Variants in RBFOX1 observed in about 807,000 individuals in gnomAD.
RBFOX1 encodes the protein RNA binding fox-1 homolog 1.
Under a neutral mutation model 57.7 loss-of-function variants are expected in RBFOX1, and 8 were observed. The observed-to-expected ratio is 0.14, with a 90% confidence interval of 0.08 to 0.25. RBFOX1 has a LOEUF of 0.25. Among genes scored for constraint, RBFOX1 ranks in the 10% least tolerant of loss-of-function variants. The pLI is 1.00. For missense variants in RBFOX1, 611 were observed against 548.5 expected, an observed-to-expected ratio of 1.11 and a Z score of -1.14; for synonymous variants, 326 against 222.4, an observed-to-expected ratio of 1.47 and a Z score of -4.15.
chr16:6,989,942 A>T (rs1305670227), intron 3 of RBFOX1, among the ~76,000 whole-genome samples: 1 of 152,150 alleles, frequency 6.6e-6, no homozygotes, highest in East Asian at 1.9e-4. Flanking sequence ...CAGAAGTTGC[A>T]GTGAACTGAG....
At chr16:7,703,361 G>C (rs916216132) in intron 14 of RBFOX1, among the ~76,000 whole-genome samples, 11 of 152,140 alleles carry the variant, frequency 7.2e-5, no homozygotes, top group Non-Finnish European at 7.4e-5. Context: ...CCATTTGGCT[G>C]TTTAGGATGT....
intron 4 of RBFOX1, among the ~76,000 whole-genome samples, chr16:5,943,116 T>G (rs1445210134): frequency 6.6e-6 from 1 of 152,196 alleles, no homozygotes; most frequent in Non-Finnish European, 1.5e-5. Context: ...TCCCTGGACC[T>G]CAGCACCCAG....
intron 3 of RBFOX1, among the ~76,000 whole-genome samples, chr16:6,983,364 G>GT (rs958295392): frequency 6.6e-5 from 10 of 151,714 alleles, no homozygotes; most frequent in African/African-American, 2.4e-4. Context: ...TTGGTGGGGG[G>GT]TGGTCTTTGA....
intron 1 of RBFOX1, among the ~76,000 whole-genome samples, chr16:6,051,340 T>C (rs1486094890): frequency 1.3e-5 from 2 of 152,026 alleles, no homozygotes; most frequent in East Asian, 3.9e-4. Flanking sequence ...TTCTTTCCTT[T>C]TTTTTGAGAC....
At chr16:6,567,269 A>G (rs1235409345) in intron 2 of RBFOX1, among the ~76,000 whole-genome samples, 8 of 152,158 alleles carry the variant, frequency 5.3e-5, no homozygotes, top group Admixed American at 5.2e-4. Flanking sequence ...ATCTTATTTC[A>G]TCCCCTTTAT....
chr16:6,112,077 G>A (rs1479790169), intron 1 of RBFOX1, among the ~76,000 whole-genome samples: 1 of 152,104 alleles, frequency 6.6e-6, no homozygotes, highest in African/African-American at 2.4e-5. Context: ...GAAACACTTG[G>A]CCCAGTGTAA....
intron 2 of RBFOX1, among the ~76,000 whole-genome samples, chr16:6,399,209 G>T (rs573758615): frequency 6.6e-6 from 1 of 152,254 alleles, no homozygotes; most frequent in Non-Finnish European, 1.5e-5. Flanking sequence ...GAGCAGGGTG[G>T]CCCTGGGCCT....
intron 2 of RBFOX1, among the ~76,000 whole-genome samples, chr16:6,592,344 C>T (rs79059191): frequency 6.6e-6 from 1 of 152,206 alleles, no homozygotes; most frequent in Non-Finnish European, 1.5e-5. Flanking sequence ...TCTCCTTTCT[C>T]TTAGCTATCC....
At chr16:5,709,457 A>G (rs1051263796) in intron 3 of RBFOX1, among the ~76,000 whole-genome samples, 5 of 152,124 alleles carry the variant, frequency 3.3e-5, no homozygotes, top group Admixed American at 3.3e-4. Context: ...GGCATGTTTT[A>G]TCATTCATTT....
intron 4 of RBFOX1, among the ~76,000 whole-genome samples, chr16:7,112,170 CTTTG>C (rs1567302811): frequency 2.0e-5 from 3 of 152,110 alleles, no homozygotes; most frequent in South Asian, 2.1e-4. Context: ...ATCATACAAA[CTTTG>C]TTTTTCTATG....
chr16:6,378,842 T>A (rs1279423410), intron 2 of RBFOX1, among the ~76,000 whole-genome samples: 2 of 152,188 alleles, frequency 1.3e-5, no homozygotes, highest in East Asian at 3.9e-4. Flanking sequence ...AGGATTACTC[T>A]TCCTAGAGTG....
chr16:5,995,756 C>G (rs1311887572), intron 4 of RBFOX1, among the ~76,000 whole-genome samples: 1 of 152,142 alleles, frequency 6.6e-6, no homozygotes, highest in Non-Finnish European at 1.5e-5. Flanking sequence ...CTGATGTACA[C>G]AGTACCATAA....
rs867430298 is a variant in RBFOX1, at chr16:7,039,995, G to A, written c.-15-12062G>A. The stretch of plus-strand genomic sequence containing the variant: ...ACATTTACTCTTTTGGTGCTATGGG[G>A]AGTTATTTTATTATTATTATTATTA... On this transcript the variant is annotated intron_variant, in intron 3 of 15. Coordinates refer to ENST00000550418, the MANE Select transcript of RBFOX1 (RefSeq NM_018723.4). Among the ~76,000 whole-genome samples the A allele has an allele frequency of 5.2e-4, 73 of 140,062 alleles. No homozygotes were observed. The Middle Eastern group carries it at 0.019, about 36-fold the overall frequency. The allele number at this position is 140,062 out of a possible 152,430, so 91.9% of individuals were successfully genotyped here. A position where few individuals can be genotyped will look rare whatever the true frequency, so the allele number is the denominator to read the frequency against.
intron 3 of RBFOX1, among the ~76,000 whole-genome samples, chr16:5,750,662 G>A (rs1245890589): frequency 1.3e-5 from 2 of 152,202 alleles, no homozygotes; most frequent in Non-Finnish European, 2.9e-5. Flanking sequence ...GGGACCCTCT[G>A]AGCCAGGCAT....
At chr16:6,352,779 C>T (rs940344144) in intron 2 of RBFOX1, among the ~76,000 whole-genome samples, 1 of 152,184 alleles carries the variant, frequency 6.6e-6, no homozygotes, top group Non-Finnish European at 1.5e-5. Flanking sequence ...GTTACTGCGA[C>T]GCTGCCTTGC....
intron 4 of RBFOX1, among the ~76,000 whole-genome samples, chr16:7,403,197 A>C (rs1156381516): frequency 2.6e-5 from 4 of 152,200 alleles, no homozygotes; most frequent in Non-Finnish European, 5.9e-5. Flanking sequence ...CTCTGAATCC[A>C]GTGAAGGTAT....
intron 2 of RBFOX1, among the ~76,000 whole-genome samples, chr16:6,635,195 A>C (rs1382993090): frequency 6.7e-6 from 1 of 148,882 alleles, no homozygotes; most frequent in African/African-American, 2.4e-5. Context: ...ATATTACATA[A>C]TATGTACATA....
At chr16:5,431,002 T>C (rs1204376151) in intron 1 of RBFOX1, among the ~76,000 whole-genome samples, 1 of 152,146 alleles carries the variant, frequency 6.6e-6, no homozygotes, top group Non-Finnish European at 1.5e-5. Flanking sequence ...CTAATGGATA[T>C]TGGGAGTTAA....
At chr16:5,944,814 C>G (rs1194787785) in intron 4 of RBFOX1, among the ~76,000 whole-genome samples, 25 of 48,690 alleles carry the variant, frequency 5.1e-4, no homozygotes, top group African/African-American at 2.1e-3. Flanking sequence ...AAAAAATTAG[C>G]TGGGTGTGGT....
Sources: gnomAD v4.1 joint callset for allele counts (sites outside exome capture counted in the v4.1 genomes callset) on GRCh38, gnomAD v4.1.1 for gene constraint, MANE v1.5 for transcripts, NCBI Gene and HGNC (gene_info 2026-07-23, HGNC 2026-07-21) for gene names.